ARHGAP8: variants seen among roughly 807,000 people sequenced by gnomAD.
ARHGAP8 encodes rho GTPase-activating protein 8.
A neutral mutation model predicts 46.1 loss-of-function variants in ARHGAP8; 62 were observed. That is an observed-to-expected ratio of 1.34 (90% CI 1.10 to 1.66). The LOEUF (loss-of-function observed/expected upper bound fraction) is 1.66, where lower values mean the gene tolerates loss of function less well. Ranked by LOEUF, ARHGAP8 falls within the 40% of genes most tolerant of loss-of-function variation. The pLI is 0.00. For missense variants in ARHGAP8, 923 were observed against 568.4 expected (o/e 1.62, Z -6.34); for synonymous variants, 375 against 243.1 (o/e 1.54, Z -5.05).
intron 2 of ARHGAP8, among the ~76,000 whole-genome samples, chr22:44,793,153 A>G (rs1222706028): frequency 6.6e-6 from 1 of 152,176 alleles, no homozygotes; most frequent in Non-Finnish European, 1.5e-5. Context: ...AGTTGACTTC[A>G]GTATCTTAAG....
chr22:44,827,397 C>T (rs1015993777), intron 7 of ARHGAP8, among the ~76,000 whole-genome samples: 2 of 117,450 alleles, frequency 1.7e-5, no homozygotes, highest in South Asian at 3.0e-4. Flanking sequence ...GGCTGGAGTG[C>T]GGTGGTGTGA....
chr22:44,844,989 C>T (rs2147158425), intron 7 of ARHGAP8, among the ~76,000 whole-genome samples: 1 of 152,288 alleles, frequency 6.6e-6, no homozygotes, highest in South Asian at 2.1e-4. Context: ...TCCCTCAAAA[C>T]CCAGCTCTGA....
At chr22:44,756,412 C>CGCTG (rs1569129205) in intron 1 of ARHGAP8, among the ~76,000 whole-genome samples, 1 of 152,158 alleles carries the variant, frequency 6.6e-6, no homozygotes, top group African/African-American at 2.4e-5. Flanking sequence ...GCGGACCCCA[C>CGCTG]GCTGTTGTAA....
At chr22:44,788,822 G>C (rs775852643) in intron 2 of ARHGAP8, among the ~76,000 whole-genome samples, 4 of 152,300 alleles carry the variant, frequency 2.6e-5, no homozygotes, top group Middle Eastern at 3.4e-3. Flanking sequence ...AATAACCTTA[G>C]GAATACTGAT....
chr22:44,804,277 C>T (rs1602200644), intron 3 of ARHGAP8, among the ~76,000 whole-genome samples: 1 of 152,290 alleles, frequency 6.6e-6, no homozygotes, highest in East Asian at 1.9e-4. Flanking sequence ...AAGGCGGCCA[C>T]CGAGCCTCCT....
At chr22:44,809,289 T>C (rs76344695) in intron 4 of ARHGAP8, 2 of 434,908 alleles carry the variant, frequency 4.6e-6, no homozygotes, top group Non-Finnish European at 9.6e-6. Flanking sequence ...TTTTTTTTTT[T>C]CAACCACTTA....
chr22:44,828,958 T>A (rs1327716659), intron 7 of ARHGAP8, among the ~76,000 whole-genome samples: 1 of 151,618 alleles, frequency 6.6e-6, no homozygotes, highest in Non-Finnish European at 1.5e-5. Flanking sequence ...TCTCTTCTTA[T>A]CATCTAACAA....
At chr22:44,843,711 G>A (rs1049929129) in intron 7 of ARHGAP8, among the ~76,000 whole-genome samples, 58 of 151,818 alleles carry the variant, frequency 3.8e-4, no homozygotes, top group African/African-American at 1.4e-3. Context: ...TGTAGCCCCA[G>A]CTACTTGGGA....
At chr22:44,832,302 C>G (rs1931004665) in intron 7 of ARHGAP8, among the ~76,000 whole-genome samples, 3 of 149,338 alleles carry the variant, frequency 2.0e-5, no homozygotes, top group Admixed American at 6.7e-5. Flanking sequence ...TCTTGGCGCA[C>G]TACAACCTCT....
chr22:44,837,127 C>T (rs553618242), intron 7 of ARHGAP8, among the ~76,000 whole-genome samples: 53 of 152,292 alleles, frequency 3.5e-4, no homozygotes, highest in African/African-American at 1.1e-3. Flanking sequence ...TCAGGTGATC[C>T]GCCCACCTTG....
intron 7 of ARHGAP8, 117 bp downstream of exon 7, chr22:44,825,710 C>G: frequency 1.6e-6 from 2 of 1,248,196 alleles, no homozygotes; most frequent in Non-Finnish European, 1.1e-6. Context: ...AAGCTGAACC[C>G]TGCAGGAAAG....
chr22:44,826,731 G>C (rs879695271), intron 7 of ARHGAP8, among the ~76,000 whole-genome samples: 10 of 152,148 alleles, frequency 6.6e-5, no homozygotes, highest in Non-Finnish European at 1.3e-4. Context: ...TGGCCACCCA[G>C]GGTAGATTTT....
chr22:44,812,109 C>T (rs945322479), intron 4 of ARHGAP8, among the ~76,000 whole-genome samples: 8 of 152,138 alleles, frequency 5.3e-5, no homozygotes, highest in African/African-American at 1.4e-4. Context: ...TCTCATCCTC[C>T]AGACCGTCCT....
At chr22:44,761,537 C>T (rs1925132651) in intron 1 of ARHGAP8, among the ~76,000 whole-genome samples, 3 of 152,174 alleles carry the variant, frequency 2.0e-5, no homozygotes, top group African/African-American at 7.2e-5. Context: ...CACCATATTT[C>T]AGCAGGGGCT....
intron 4 of ARHGAP8, among the ~76,000 whole-genome samples, chr22:44,813,798 A>G (rs994717232): frequency 6.8e-6 from 1 of 147,806 alleles, no homozygotes; most frequent in African/African-American, 2.5e-5. Flanking sequence ...CACACATACA[A>G]TTACAGTTAC....
intron 1 of ARHGAP8, among the ~76,000 whole-genome samples, chr22:44,781,712 A>G (rs1926860042): frequency 6.6e-6 from 1 of 152,004 alleles, no homozygotes; most frequent in African/African-American, 2.4e-5. Context: ...TTTAGTAGAA[A>G]CAGGGATTCA....
chr22:44,858,895 G>C (rs1402593679), intron 10 of ARHGAP8, among the ~76,000 whole-genome samples: 2 of 151,672 alleles, frequency 1.3e-5, no homozygotes, highest in Non-Finnish European at 2.9e-5. Flanking sequence ...AGGCCAGATA[G>C]TAAATATGTT....
At chr22:44,753,229 T>TTA (rs2146973998) in intron 1 of ARHGAP8, among the ~76,000 whole-genome samples, 1 of 151,132 alleles carries the variant, frequency 6.6e-6, no homozygotes, top group African/African-American at 2.4e-5. Context: ...CAGAAACTTT[T>TTA]TTTTTTTTTT....
chr22:44,808,615 G>C, intron 4 of ARHGAP8, 177 bp downstream of exon 4: 1 of 1,232,958 alleles, frequency 8.1e-7, no homozygotes, highest in Non-Finnish European at 1.1e-6. Context: ...CCAAGCTCTG[G>C]AATCCCGGGC....
Sources: gnomAD v4.1 joint callset for allele counts (sites outside exome capture counted in the v4.1 genomes callset) on GRCh38, gnomAD v4.1.1 for gene constraint, MANE v1.5 for transcripts, NCBI Gene and HGNC (gene_info 2026-07-23, HGNC 2026-07-21) for gene names.